ARHGAP11A: variants seen among roughly 807,000 people sequenced by gnomAD.
ARHGAP11A encodes Rho GTPase activating protein 11A.
Under a neutral mutation model 60.5 loss-of-function variants are expected in ARHGAP11A, and 36 were observed. The observed-to-expected ratio is 0.59, with a 90% CI of 0.46 to 0.79. The LOEUF is 0.79. Ranked by LOEUF, ARHGAP11A falls within the 30% of genes least tolerant of loss-of-function variation. ARHGAP11A has a pLI of 0.00. For missense variants in ARHGAP11A, 1,071 were observed against 1,199.2 expected (o/e 0.89, Z 1.58); for synonymous variants, 362 against 415.5 (o/e 0.87, Z 1.57).
At position 32,638,820 on chromosome 15, in the gene ARHGAP11A, G is replaced by C. The variant is rs952420747; in HGVS notation, c.*975G>C. ...AAAGATAATTTGCACAAACACGTTT[G>C]TGTCTGTTCTGTCCAATATAGATTT... On this transcript the variant is annotated 3_prime_UTR_variant, in exon 12 of 12. Coordinates refer to ENST00000361627, the MANE Select transcript of ARHGAP11A (RefSeq NM_014783.6). 7 of 152,546 alleles carry C rather than the reference G, an allele frequency of 4.6e-5. No individual in the cohort carries two copies. Among genetic ancestry groups the C allele is most frequent in the Admixed American group, 4.6e-4 (7 of 15,276 alleles). The allele number at this position is 152,546 out of a possible 1,614,324, so 9.4% of individuals were successfully genotyped here. A position where few individuals can be genotyped will look rare whatever the true frequency, so the allele number is the denominator to read the frequency against.
At chr15:32,634,081 A>G (rs377490826) in intron 10 of ARHGAP11A, 40 bp downstream of exon 10, 1 of 1,366,284 alleles carries the variant, frequency 7.3e-7, no homozygotes, top group South Asian at 1.3e-5. Flanking sequence ...ATATTAGCAT[A>G]ACGCTATAAA....
intron 10 of ARHGAP11A, among the ~76,000 whole-genome samples, 186 bp downstream of exon 10, chr15:32,634,227 A>G (rs1279526231): frequency 3.9e-5 from 6 of 152,088 alleles, no homozygotes; most frequent in Non-Finnish European, 7.4e-5. Context: ...TAGTCCTTGG[A>G]CTTCTCTTTT....
rs925506846 is a variant in ARHGAP11A, at chr15:32,616,176, T to C, written c.-36T>C. On this transcript the variant is annotated 5_prime_UTR_variant, in exon 1 of 12. Transcript: ENST00000361627. ...TTGGTGGCGAACGAGGGTCAGGACC[T>C]GCATCCTGCCTCAGAGAGTTATCGA... 4 of 1,609,406 alleles carry C rather than the reference T, an allele frequency of 2.5e-6. No individual in the cohort carries two copies. The highest frequency in any genetic ancestry group is 2.7e-5 in the African/African-American group (2 of 74,786).
At chr15:32,633,856 T>G in intron 9 of ARHGAP11A, 77 bp from the exon 10 acceptor site, 1 of 849,032 alleles carries the variant, frequency 1.2e-6, no homozygotes, top group Non-Finnish European at 1.8e-6. Flanking sequence ...CTGTGGACTT[T>G]ATTTCAAATT....
At chr15:32,616,666 C>T (rs1401486627) in intron 1 of ARHGAP11A, among the ~76,000 whole-genome samples, 1 of 152,144 alleles carries the variant, frequency 6.6e-6, no homozygotes, top group Non-Finnish European at 1.5e-5. Flanking sequence ...GTCTTTTACC[C>T]ACTAGATGCT....
intron 1 of ARHGAP11A, among the ~76,000 whole-genome samples, chr15:32,617,354 C>T (rs1005186605): frequency 1.3e-5 from 2 of 151,118 alleles, no homozygotes; most frequent in Non-Finnish European, 2.9e-5. Context: ...TAAAAAGCTA[C>T]AGTGATTTTT....
intron 1 of ARHGAP11A, among the ~76,000 whole-genome samples, chr15:32,617,639 T>C (rs2053190771): frequency 6.6e-6 from 1 of 152,098 alleles, no homozygotes; most frequent in Non-Finnish European, 1.5e-5. Context: ...ACCTGGCTAA[T>C]TTTTTGTATT....
chr15:32,625,498 G>A lies in ARHGAP11A; in HGVS notation c.727G>A (p.Asp243Asn), dbSNP rs780989490. The change falls in exon 6 of 12, where the codon GAT (aspartate) becomes AAT (asparagine). Residue 243 changes from aspartate to asparagine, a missense_variant. Physicochemically the swap from Asp to Asn is conservative, Grantham distance 23. Coordinates refer to ENST00000361627, the MANE Select transcript of ARHGAP11A (RefSeq NM_014783.6). ...ACATTTTCATTTAGGGCGTGTACCA[G>A]ATTTTATCCTGGAAAAGATACCAGC... ...DYASDIGRVP[D>N]FILEKIPAML... is the part of the protein sequence containing the mutation. The A allele has an allele frequency of 3.1e-6, 5 of 1,613,940 alleles. No homozygotes were observed. The highest frequency in any genetic ancestry group is 4.2e-6 in the Non-Finnish European group (5 of 1,179,830).
At position 32,636,541 on chromosome 15, in the gene ARHGAP11A, A is replaced by G; in HGVS notation, c.1768A>G (p.Asn590Asp). 6.2e-7 allele frequency: 1 copy of G among 1,614,174 alleles called. No individual in the cohort carries two copies. The highest frequency in any genetic ancestry group is 8.5e-7 in the Non-Finnish European group (1 of 1,180,008). Residue 590 changes from asparagine to aspartate, a missense_variant, in exon 12 of 12, where the codon AAC (asparagine) becomes GAC (aspartate). Physicochemically the swap from Asn to Asp is conservative, Grantham distance 23. Coordinates refer to ENST00000361627, the MANE Select transcript of ARHGAP11A (RefSeq NM_014783.6). ...TSSPLSGDEN[N>D]MTKETLVKVQ... ...TAGCCCTCTTAGCGGGGATGAAAAT[A>G]ACATGACCAAAGAGACTTTGGTGAA...
rs552666647 is a variant in ARHGAP11A at position 32,632,962 on chromosome 15, T to C, written c.1106-17T>C. 1.9e-6 allele frequency: 3 copies of C among 1,605,952 alleles called. No individual in the cohort carries two copies. The highest frequency in any genetic ancestry group is 2.2e-5 in the South Asian group (2 of 90,126). ...AAATAGATATGTGTGGTATATTACA[T>C]GTGGTTATTTTTGTAGTTCACATCG... On this transcript the variant is annotated splice_polypyrimidine_tract_variant and intron_variant, in intron 8 of 11. Transcript: ENST00000361627.
In ARHGAP11A at chr15:32,637,165, A is replaced by G. The variant is rs2053737505; in HGVS notation, c.2392A>G (p.Ser798Gly). The G allele has an allele frequency of 1.2e-6, 2 of 1,614,164 alleles. No individual in the cohort carries two copies. Among genetic ancestry groups the G allele is most frequent in the Non-Finnish European group, 1.7e-6 (2 of 1,180,010 alleles). ...LETCEKTVSE[S>G]SQMTEHRKVS... Reference sequence around the variant, plus strand: ...AACATGTGAGAAAACAGTTTCTGAAAGTTCACAAATGACAGAACATAGAAA... The same window carrying G: ...AACATGTGAGAAAACAGTTTCTGAAGGTTCACAAATGACAGAACATAGAAA... Residue 798 changes from serine (S) to glycine (G), a missense_variant, in exon 12 of 12, where the codon AGT becomes GGT. Around this residue, in one of 4 missense-constraint regions of ARHGAP11A, gnomAD observed 776 missense variants for 760.2 expected, o/e 1.02. Transcript: ENST00000361627.
chr15:32,636,264 A>G lies in ARHGAP11A; in HGVS notation c.1491A>G (p.Glu497=). The G allele has an allele frequency of 6.3e-7, 1 of 1,595,798 alleles. No individual in the cohort carries two copies. The highest frequency in any genetic ancestry group is 2.2e-5 in the East Asian group (1 of 44,768). Residue 497 remains glutamate, a synonymous_variant, in exon 12 of 12, where the codon GAA becomes GAG. Coordinates refer to ENST00000361627, the MANE Select transcript of ARHGAP11A (RefSeq NM_014783.6). The part of the protein sequence containing the change: ...VDEKLPKKGS[E]KISKSEETLL... ...TGAACTGCTTTATTTTAGGTTCAGAAAAGATCAGTAAGTCTGAGGAAACCT... is the reference window on the plus strand; with the variant it reads ...TGAACTGCTTTATTTTAGGTTCAGAGAAGATCAGTAAGTCTGAGGAAACCT...
chr15:32,625,670 T>C (rs1464047010), intron 6 of ARHGAP11A, 37 bp downstream of exon 6: 1 of 1,610,694 alleles, frequency 6.2e-7, no homozygotes, highest in African/African-American at 1.3e-5. Context: ...GTACAGTGAT[T>C]TGCTTTAATC....
Position 32,639,898 on chromosome 15 carries a change from T to A in ARHGAP11A, c.*2053T>A, listed in dbSNP as rs899447867. On this transcript the variant is annotated 3_prime_UTR_variant, in exon 12 of 12. Transcript: ENST00000361627. Reference sequence around the variant, plus strand: ...TCTGGACGTGCAGTAACCTCATGGGTTCTTCTCACTGTCTTATAAATGTAA... The same window carrying A: ...TCTGGACGTGCAGTAACCTCATGGGATCTTCTCACTGTCTTATAAATGTAA... The A allele has an allele frequency of 5.3e-5, 8 of 152,242 alleles. No individual in the cohort carries two copies. Among genetic ancestry groups the A allele is most frequent in the Admixed American group, 4.6e-4 (7 of 15,278 alleles). 9.4% of individuals were successfully genotyped at this position (152,242 alleles called of 1,614,324 possible).
intron 8 of ARHGAP11A, 117 bp from the exon 9 acceptor site, chr15:32,632,862 T>A (rs2053615526): frequency 7.4e-6 from 7 of 949,838 alleles, no homozygotes; most frequent in Non-Finnish European, 1.0e-5. Context: ...ATTAAGTGAT[T>A]TCGGTTGTTG....
At position 32,625,149 on chromosome 15, in the gene ARHGAP11A, T is replaced by G; in HGVS notation, c.621T>G (p.Ser207Arg). 1 of 1,613,958 alleles carries G rather than the reference T, an allele frequency of 6.2e-7. No individual in the cohort carries two copies. Among genetic ancestry groups the G allele is most frequent in the South Asian group, 1.1e-5 (1 of 91,064 alleles). The change falls in exon 5 of 12, where the codon AGT (serine) becomes AGG (arginine). Residue 207 changes from serine (S) to arginine (R), a missense_variant. By Grantham distance (110) the Ser-to-Arg change is moderately radical. Around this residue, in one of 4 missense-constraint regions of ARHGAP11A, gnomAD observed 196 missense variants for 272.1 expected, o/e 0.72. Transcript: ENST00000361627. ...TTGCACCGAATCTTCTTCAGACAAG[T>G]GAAGGACATGAAAAGATGTCTTCTA... ...VIFAPNLLQT[S>R]EGHEKMSSNT... is the part of the protein sequence containing the mutation.
In ARHGAP11A at chr15:32,616,172, G is replaced by A. The variant is rs1182000842; in HGVS notation, c.-40G>A. On this transcript the variant is annotated 5_prime_UTR_variant, in exon 1 of 12. Coordinates refer to ENST00000361627, the MANE Select transcript of ARHGAP11A (RefSeq NM_014783.6). Reference sequence around the variant, plus strand: ...AGACTTGGTGGCGAACGAGGGTCAGGACCTGCATCCTGCCTCAGAGAGTTA... The same window carrying A: ...AGACTTGGTGGCGAACGAGGGTCAGAACCTGCATCCTGCCTCAGAGAGTTA... 1 of 1,608,360 alleles carries A rather than the reference G, an allele frequency of 6.2e-7. No homozygotes were observed. The highest frequency in any genetic ancestry group is 1.7e-5 in the Admixed American group (1 of 59,180).
intron 1 of ARHGAP11A, among the ~76,000 whole-genome samples, chr15:32,617,717 C>T (rs896900982): frequency 1.3e-5 from 2 of 152,112 alleles, no homozygotes; most frequent in African/African-American, 2.4e-5. Context: ...CGTGATCCGC[C>T]CGCCTCGGCC....
In ARHGAP11A at chr15:32,632,969, A is replaced by T; in HGVS notation, c.1106-10A>T. The T allele has an allele frequency of 6.2e-7, 1 of 1,607,730 alleles. No individual in the cohort carries two copies. The highest frequency in any genetic ancestry group is 8.5e-7 in the Non-Finnish European group (1 of 1,177,006). On this transcript the variant is annotated splice_polypyrimidine_tract_variant and intron_variant, in intron 8 of 11. Coordinates refer to ENST00000361627, the MANE Select transcript of ARHGAP11A (RefSeq NM_014783.6). ...TATGTGTGGTATATTACATGTGGTTATTTTTGTAGTTCACATCGATACAAG... is the reference window on the plus strand; with the variant it reads ...TATGTGTGGTATATTACATGTGGTTTTTTTTGTAGTTCACATCGATACAAG...
Sources: gnomAD v4.1 joint callset for allele counts (sites outside exome capture counted in the v4.1 genomes callset) on GRCh38, gnomAD v4.1.1 for gene constraint, gnomAD v4.1.1 regional missense constraint, MANE v1.5 for transcripts, NCBI Gene and HGNC (gene_info 2026-07-23, HGNC 2026-07-21) for gene names.